The following KLF8 variants were observed in gnomAD, a reference collection of about 807,000 sequenced individuals.
KLF8 encodes the protein Krueppel-like factor 8.
A neutral mutation model predicts 18.2 loss-of-function variants in KLF8; 10 were observed. The ratio of observed to expected loss-of-function variants is 0.55; its 90% CI spans 0.34 to 0.93. The LOEUF (loss-of-function observed/expected upper bound fraction) is 0.93. Among genes scored for constraint, KLF8 ranks in the 40% least tolerant of loss-of-function variants. The probability of loss-of-function intolerance (pLI) is 0.02; values close to 1 mark genes in which losing one functional copy is unlikely to be tolerated. For synonymous variants in KLF8, 109 were observed against 97.3 expected (o/e 1.12, Z -0.71); for missense variants, 264 against 277.9 (o/e 0.95, Z 0.36).
the KLF8 span, among the ~76,000 whole-genome samples, chrX:56,083,757 T>C: frequency 1.4e-4 from 16 of 111,339 alleles, no homozygotes; most frequent in African/African-American, 4.9e-4. Flanking sequence ...TCAGTGGTGA[T>C]GTTTGATTCT....
Position 56,284,493 on chromosome X carries a change from G to A in KLF8, c.1079G>A (p.Ter360=), listed in dbSNP as rs1347812156. 1 of 1,179,787 alleles carries A rather than the reference G, an allele frequency of 8.5e-7. No individual in the cohort carries two copies. Among genetic ancestry groups the A allele is most frequent in the Non-Finnish European group, 1.1e-6 (1 of 879,217 alleles). Residue 360 remains the stop codon, a stop_retained_variant, in exon 6 of 6, where the codon TGA becomes TAA. Coordinates refer to ENST00000468660, the MANE Select transcript of KLF8 (RefSeq NM_007250.5). ...CATCGCCGTCGCCATGACACCATGT[G>A]AGCCGCACAGGTCACACTAGAGAAG... is the stretch of plus-strand genomic sequence containing the variant. ...SLHRRRHDTM[*]
the KLF8 span, among the ~76,000 whole-genome samples, chrX:56,174,558 T>A: frequency 2.7e-5 from 3 of 111,710 alleles, no homozygotes; most frequent in African/African-American, 9.8e-5. Flanking sequence ...TAAAATTCTC[T>A]TTTTTTGTTG....
At chrX:56,024,630 G>T in the KLF8 span, among the ~76,000 whole-genome samples, 203 of 112,053 alleles carry the variant, frequency 1.8e-3, 1 homozygote, top group Non-Finnish European at 3.2e-3. Flanking sequence ...ACGTGAAAGG[G>T]CCATGATTGA....
Position 56,289,157 on chromosome X carries a change from A to G in KLF8, c.*4663A>G, listed in dbSNP as rs2067298267. On this transcript the variant is annotated 3_prime_UTR_variant, in exon 6 of 6. Transcript: ENST00000468660. ...GGGTATTTATTTTATACTTCGAGTT[A>G]TAATCTAATACTACTACTTTATTTT... Among the ~76,000 whole-genome samples, 1 of 112,272 alleles carries G rather than the reference A, an allele frequency of 8.9e-6. No individual in the cohort carries two copies. The highest frequency in any genetic ancestry group is 1.9e-5 in the Non-Finnish European group (1 of 53,319).
chrX:56,000,104 G>A, the KLF8 span, among the ~76,000 whole-genome samples: 4 of 111,393 alleles, frequency 3.6e-5, no homozygotes, highest in South Asian at 3.8e-4. Context: ...GATGATCATA[G>A]GCTTTTTGTT....
the KLF8 span, among the ~76,000 whole-genome samples, chrX:56,171,680 T>C: frequency 1.8e-5 from 2 of 111,701 alleles, no homozygotes; most frequent in East Asian, 5.6e-4. Flanking sequence ...GCTTCATCCA[T>C]AACCCTACAA....
chrX:56,155,430 G>A, the KLF8 span, among the ~76,000 whole-genome samples: 2 of 110,368 alleles, frequency 1.8e-5, no homozygotes, highest in African/African-American at 6.6e-5. Context: ...ACAGGAAGGG[G>A]GACATCACAC....
the KLF8 span, among the ~76,000 whole-genome samples, chrX:55,979,467 G>A: frequency 8.9e-6 from 1 of 112,149 alleles, no homozygotes; most frequent in South Asian, 3.7e-4. Flanking sequence ...CATGGATACA[G>A]AGGCACTCCT....
the KLF8 span, among the ~76,000 whole-genome samples, chrX:56,084,072 T>C: frequency 1.8e-5 from 2 of 111,658 alleles, no homozygotes; most frequent in Non-Finnish European, 3.8e-5. Context: ...TATAAAATTG[T>C]CACTATAAAA....
chrX:55,971,821 T>C, the KLF8 span, among the ~76,000 whole-genome samples: 1 of 111,367 alleles, frequency 9.0e-6, no homozygotes, highest in Non-Finnish European at 1.9e-5. Context: ...CTCAATGTCA[T>C]TTACCATCAG....
At chrX:56,212,356 AC>A in the KLF8 span, among the ~76,000 whole-genome samples, 1 of 53,530 alleles carries the variant, frequency 1.9e-5, no homozygotes, top group East Asian at 6.6e-4. Flanking sequence ...CCCACAATCC[AC>A]TGTCTCTAGG....
the KLF8 span, among the ~76,000 whole-genome samples, chrX:56,079,353 G>T: frequency 3.6e-5 from 4 of 110,612 alleles, no homozygotes; most frequent in African/African-American, 1.3e-4. Flanking sequence ...CTTTGTTCTC[G>T]TTGGTTTCAA....
chrX:56,237,001 A>G (rs895589473), intron 1 of KLF8, among the ~76,000 whole-genome samples: 1 of 105,031 alleles, frequency 9.5e-6, no homozygotes, highest in Admixed American at 1.0e-4. Flanking sequence ...GTATCTTCTG[A>G]TTATTCAAAA....
At chrX:56,211,948 C>T in the KLF8 span, among the ~76,000 whole-genome samples, 2 of 110,904 alleles carry the variant, frequency 1.8e-5, no homozygotes, top group African/African-American at 3.3e-5. Flanking sequence ...CAAATCTCAG[C>T]GGCTCACCCA....
chrX:56,129,053 G>A, the KLF8 span, among the ~76,000 whole-genome samples: 32 of 112,136 alleles, frequency 2.9e-4, no homozygotes, highest in South Asian at 0.011. Context: ...AGTGCCACTG[G>A]TAGAGTTGAG....
chrX:56,217,539 C>T, the KLF8 span, among the ~76,000 whole-genome samples: 5 of 110,337 alleles, frequency 4.5e-5, no homozygotes, highest in African/African-American at 6.6e-5. Context: ...CTCAGCCTCC[C>T]GAGTAGCTAG....
At chrX:56,122,392 C>T in the KLF8 span, among the ~76,000 whole-genome samples, 1 of 111,190 alleles carries the variant, frequency 9.0e-6, no homozygotes, top group South Asian at 3.9e-4. Flanking sequence ...AATGATGCTA[C>T]CATAAAAATG....
chrX:55,927,100 A>G, the KLF8 span, among the ~76,000 whole-genome samples: 3 of 112,068 alleles, frequency 2.7e-5, no homozygotes, highest in Non-Finnish European at 5.6e-5. Flanking sequence ...ATCCAGTGGA[A>G]ATATTTTCTT....
At chrX:56,123,640 A>G in the KLF8 span, among the ~76,000 whole-genome samples, 1 of 112,271 alleles carries the variant, frequency 8.9e-6, no homozygotes, top group East Asian at 2.8e-4. Flanking sequence ...TCCATATAAT[A>G]TTTTACAAAA....
Sources: gnomAD v4.1 joint callset for allele counts (sites outside exome capture counted in the v4.1 genomes callset) on GRCh38, gnomAD v4.1.1 for gene constraint, MANE v1.5 for transcripts, NCBI Gene and HGNC (gene_info 2026-07-23, HGNC 2026-07-21) for gene names.